Variants in CIC observed in about 807,000 individuals in gnomAD.
CIC encodes capicua transcriptional repressor.
A neutral mutation model predicts 115.7 loss-of-function variants in CIC; 18 were observed. The observed-to-expected ratio is 0.16, with a 90% CI of 0.11 to 0.23. The LOEUF (loss-of-function observed/expected upper bound fraction) is 0.23. Ranked by LOEUF, CIC falls within the 10% of genes least tolerant of loss-of-function variation. The pLI is 1.00. For synonymous variants in CIC, 1,076 were observed against 923.0 expected, an observed-to-expected ratio of 1.17 and a Z score of -3.01; for missense variants, 2,000 against 2,159.3, an observed-to-expected ratio of 0.93 and a Z score of 1.46.
intron 2 of CIC, among the ~76,000 whole-genome samples, chr19:42,285,404 G>A (rs1420907562): frequency 6.6e-6 from 1 of 152,196 alleles, no homozygotes; most frequent in African/African-American, 2.4e-5. Flanking sequence ...GGGTTGGAGG[G>A]CCCAGCGGGT....
chr19:42,287,716 C>T lies in CIC; in HGVS notation c.3481C>T (p.Leu1161=), dbSNP rs1469419455. 1 of 1,614,220 alleles carries T rather than the reference C, an allele frequency of 6.2e-7. No individual in the cohort carries two copies. The highest frequency in any genetic ancestry group is 1.3e-5 in the African/African-American group (1 of 75,072). ...CAAGGAGAAGCAGAAGTACCACGAC[C>T]TGGCCTTCCAGGTAACGCTGTTGCC... The part of the protein sequence containing the change: ...GPKEKQKYHD[L]AFQVKEAHFK... Residue 1161 remains leucine (L), a synonymous_variant, in exon 6 of 21, where the codon CTG becomes TTG. Coordinates refer to ENST00000681038, the MANE Select transcript of CIC (RefSeq NM_001386298.1). This position sits in a 1 kb window ranked among gnomAD's most constrained non-coding sequence, Gnocchi z 8.7.
chr19:42,276,665 T>C (rs1447635939), intron 2 of CIC, among the ~76,000 whole-genome samples: 1 of 152,178 alleles, frequency 6.6e-6, no homozygotes, highest in Non-Finnish European at 1.5e-5. Context: ...TTTGTTGTTA[T>C]AGGTGGTACA....
intron 2 of CIC, among the ~76,000 whole-genome samples, chr19:42,285,978 C>T (rs1205635811): frequency 6.6e-6 from 1 of 152,314 alleles, no homozygotes; most frequent in Non-Finnish European, 1.5e-5. Context: ...GCCCATTGTC[C>T]GTGGTTTTTC....
At position 42,273,877 on chromosome 19, in the gene CIC, C is replaced by T; in HGVS notation, c.2094C>T (p.Thr698=). 2.5e-6 allele frequency: 1 copy of T among 398,734 alleles called. No individual in the cohort carries two copies. The highest frequency in any genetic ancestry group is 4.4e-6 in the Non-Finnish European group (1 of 226,122). The allele number at this position is 398,734 out of a possible 1,614,324, so 24.7% of individuals were successfully genotyped here. The change falls in exon 2 of 21, where the codon ACC becomes ACT. Residue 698 remains threonine (T), a synonymous_variant. Transcript: ENST00000681038. ...GCCACTCCTCTGGAATCCTACCCAC[C>T]TTCCAGACCAACCTGACCTTCACCG... The part of the protein sequence containing the change: ...RERHSSGILP[T]FQTNLTFTVP...
chr19:42,286,750 T>A (rs1253024988), intron 2 of CIC, 21 bp from the exon 3 acceptor site: 1 of 1,613,762 alleles, frequency 6.2e-7, no homozygotes, highest in Non-Finnish European at 8.5e-7. Flanking sequence ...GCTGCACAGC[T>A]CACCTGGCTC....
chr19:42,293,031 C>G lies in CIC; in HGVS notation c.6272C>G (p.Ala2091Gly), dbSNP rs760165973. Reference sequence around the variant, plus strand: ...CCGAAGGCCCCCCAGAAAGTGAAGGCAGCCATCGCCAGCATTCCCGTGGGG... The same window carrying G: ...CCGAAGGCCCCCCAGAAAGTGAAGGGAGCCATCGCCAGCATTCCCGTGGGG... ...PSPKAPQKVK[A>G]AIASIPVGSF... Residue 2091 changes from alanine to glycine, a missense_variant, in exon 16 of 21, where the codon GCA becomes GGA. By Grantham distance (60) the Ala-to-Gly change is moderately conservative. Around this residue, in one of 8 missense-constraint regions of CIC, gnomAD observed 1,466 missense variants for 1,390.4 expected, o/e 1.05. Coordinates refer to ENST00000681038, the MANE Select transcript of CIC (RefSeq NM_001386298.1). The G allele has an allele frequency of 1.2e-6, 2 of 1,613,120 alleles. No homozygotes were observed. The highest frequency in any genetic ancestry group is 1.7e-6 in the Non-Finnish European group (2 of 1,179,904).
At chr19:42,281,851 G>A (rs2037271607) in intron 2 of CIC, among the ~76,000 whole-genome samples, 1 of 152,174 alleles carries the variant, frequency 6.6e-6, no homozygotes, top group Admixed American at 6.5e-5. Context: ...CCAGATGTGT[G>A]GGGCCCTCTT....
intron 7 of CIC, among the ~76,000 whole-genome samples, chr19:42,288,368 C>T (rs567234295): frequency 2.6e-5 from 4 of 152,280 alleles, no homozygotes; most frequent in Non-Finnish European, 4.4e-5. Flanking sequence ...CCCAGTTCGG[C>T]GGGCCCCCAG....
rs1599943695 is a variant in CIC, at chr19:42,295,273, C to T, written c.*82C>T. The T allele has an allele frequency of 3.2e-6, 4 of 1,249,576 alleles. No individual in the cohort carries two copies. In the East Asian group the frequency reaches 1.0e-4, roughly 32 times the overall value. 77.4% of individuals were successfully genotyped at this position (1,249,576 alleles called of 1,614,324 possible). ...GTGGGGGCAGGAAGGTTATCTCCTC[C>T]CGGGTAAAGCCATTTCGTCCTCTCC... On this transcript the variant is annotated 3_prime_UTR_variant, in exon 21 of 21. Coordinates refer to ENST00000681038, the MANE Select transcript of CIC (RefSeq NM_001386298.1).
chr19:42,284,576 G>C, intron 2 of CIC: 1 of 337,700 alleles, frequency 3.0e-6, no homozygotes, highest in East Asian at 5.0e-5. Flanking sequence ...GCGGGGGGGG[G>C]GGCATGCGGC....
rs1338502001 is a variant in CIC, at chr19:42,269,370, G to C, written c.-22G>C. On this transcript the variant is annotated 5_prime_UTR_variant, in exon 1 of 21. Coordinates refer to ENST00000681038, the MANE Select transcript of CIC (RefSeq NM_001386298.1). ...CCACGGCCCCCCGCCCCGAAACCCCGCCGAGCCCAAGGTGAGGGGCGGGGC... is the reference window on the plus strand; with the variant it reads ...CCACGGCCCCCCGCCCCGAAACCCCCCCGAGCCCAAGGTGAGGGGCGGGGC... The C allele has an allele frequency of 6.9e-6, 1 of 145,712 alleles. No individual in the cohort carries two copies. Among genetic ancestry groups the C allele is most frequent in the Non-Finnish European group, 1.5e-5 (1 of 66,110 alleles). 9.0% of individuals were successfully genotyped at this position (145,712 alleles called of 1,614,324 possible). A position where few individuals can be genotyped will look rare whatever the true frequency, so the allele number is the denominator to read the frequency against.
intron 2 of CIC, among the ~76,000 whole-genome samples, chr19:42,275,896 C>T (rs2036958199): frequency 6.6e-6 from 1 of 152,152 alleles, no homozygotes; most frequent in African/African-American, 2.4e-5. Context: ...CTGGATGGTG[C>T]TGAGGACACA....
chr19:42,293,049 C>T lies in CIC; in HGVS notation c.6290C>T (p.Pro2097Leu), dbSNP rs2038257736. The T allele has an allele frequency of 1.2e-6, 2 of 1,612,736 alleles. No homozygotes were observed. Among genetic ancestry groups the T allele is most frequent in the African/African-American group, 1.3e-5 (1 of 74,946 alleles). The part of the protein sequence containing the change: ...QKVKAAIASI[P>L]VGSFEAGASG... Reference sequence around the variant, plus strand: ...GTGAAGGCAGCCATCGCCAGCATTCCCGTGGGGTCCTTTGAGGCAGGTGCC... The same window carrying T: ...GTGAAGGCAGCCATCGCCAGCATTCTCGTGGGGTCCTTTGAGGCAGGTGCC... The change falls in exon 16 of 21, where the codon CCC becomes CTC. Residue 2097 changes from proline to leucine, a missense_variant. Pro to Leu is a moderately conservative substitution (Grantham distance 98). Transcript: ENST00000681038.
intron 2 of CIC, among the ~76,000 whole-genome samples, chr19:42,276,923 G>C (rs2037002120): frequency 1.3e-5 from 2 of 152,198 alleles, no homozygotes; most frequent in African/African-American, 4.8e-5. Flanking sequence ...GGAAAAGTGA[G>C]GCCCTGACAA....
intron 2 of CIC, among the ~76,000 whole-genome samples, chr19:42,281,424 T>G (rs1227222637): frequency 1.3e-5 from 2 of 152,150 alleles, no homozygotes; most frequent in Non-Finnish European, 2.9e-5. Context: ...GGGTTCCCTG[T>G]CCCCAGGCCT....
rs1245177494 is a variant in CIC, at chr19:42,290,283, C to G, written c.4242C>G (p.His1414Gln). Residue 1414 changes from histidine to glutamine, a missense_variant, in exon 11 of 21, where the codon CAC becomes CAG. His to Gln is a conservative substitution (Grantham distance 24). Transcript: ENST00000681038. Reference sequence around the variant, plus strand: ...CTGTGATCCGTTCCTCCTTTACCCACTGCCGCCCCCCACTGGACCCTGAGC... The same window carrying G: ...CTGTGATCCGTTCCTCCTTTACCCAGTGCCGCCCCCCACTGGACCCTGAGC... ...FSPVIRSSFT[H>Q]CRPPLDPEPP... The G allele has an allele frequency of 6.2e-7, 1 of 1,614,104 alleles. No homozygotes were observed. The highest frequency in any genetic ancestry group is 8.5e-7 in the Non-Finnish European group (1 of 1,179,984).
In CIC at chr19:42,290,869, C is replaced by T. The variant is rs1275919232; in HGVS notation, c.4828C>T (p.Pro1610Ser). 3.1e-6 allele frequency: 5 copies of T among 1,612,720 alleles called. No individual in the cohort carries two copies. The African/African-American group carries it at 5.3e-5, about 17-fold the overall frequency. ...FPTSGRAEAS[P>S]NDTAGARTEM... ...CACCTCTGGCCGGGCTGAGGCGTCT[C>T]CAAATGACACAGCAGGTGCCAGGAC... The change falls in exon 11 of 21, where the codon CCA becomes TCA. Residue 1610 changes from proline (P) to serine (S), a missense_variant. Coordinates refer to ENST00000681038, the MANE Select transcript of CIC (RefSeq NM_001386298.1).
rs767346963 is a variant in CIC at position 42,291,754 on chromosome 19, C to T, written c.5613+9C>T. 3 of 1,612,824 alleles carry T rather than the reference C, an allele frequency of 1.9e-6. No homozygotes were observed. The highest frequency in any genetic ancestry group is 2.7e-5 in the African/African-American group (2 of 74,900). On this transcript the variant is annotated intron_variant, in intron 12 of 20. Coordinates refer to ENST00000681038, the MANE Select transcript of CIC (RefSeq NM_001386298.1). Reference sequence around the variant, plus strand: ...CCCAGCCCCCCAGCAAGGTGAGGGCCTGCCTTTCTCTCTACCTGCTGGATG... The same window carrying T: ...CCCAGCCCCCCAGCAAGGTGAGGGCTTGCCTTTCTCTCTACCTGCTGGATG...
chr19:42,293,853 G>A lies in CIC; in HGVS notation c.6767+17G>A, dbSNP rs371907292. 1.1e-4 allele frequency: 172 copies of A among 1,613,018 alleles called. No homozygotes were observed. The highest frequency in any genetic ancestry group is 1.2e-4 in the Non-Finnish European group (147 of 1,179,916). On this transcript the variant is annotated intron_variant, in intron 17 of 20. Coordinates refer to ENST00000681038, the MANE Select transcript of CIC (RefSeq NM_001386298.1). ...TGTGGACAAGTGAGCATGGGCTGGG[G>A]CCTTGGTGGAGCGTGTTAGGGTGGC...
Sources: gnomAD v4.1 joint callset for allele counts (sites outside exome capture counted in the v4.1 genomes callset) on GRCh38, gnomAD v4.1.1 for gene constraint, gnomAD v4.1.1 regional missense constraint, Gnocchi (gnomAD v3.1) non-coding constraint, MANE v1.5 for transcripts, NCBI Gene and HGNC (gene_info 2026-07-23, HGNC 2026-07-21) for gene names.